Variants in KATNBL1 observed in about 807,000 individuals in gnomAD.
The protein encoded by KATNBL1 is katanin regulatory subunit B1 like 1, also known as KATNB1-like protein 1.
A neutral mutation model predicts 44.7 loss-of-function variants in KATNBL1; 28 were observed. The observed-to-expected ratio is 0.63, with a 90% CI of 0.46 to 0.86. The LOEUF (loss-of-function observed/expected upper bound fraction) is 0.86. Ranked by LOEUF, KATNBL1 falls within the 40% of genes least tolerant of loss-of-function variation. KATNBL1 has a pLI of 0.00. For synonymous variants in KATNBL1, 78 were observed against 114.9 expected, an observed-to-expected ratio of 0.68 and a Z score of 2.06; for missense variants, 272 against 350.7, an observed-to-expected ratio of 0.78 and a Z score of 1.79.
intron 1 of KATNBL1, among the ~76,000 whole-genome samples, chr15:34,200,339 G>A (rs905290880): frequency 3.3e-5 from 5 of 151,112 alleles, no homozygotes; most frequent in Non-Finnish European, 2.9e-5. Context: ...TGCAACCTTC[G>A]CCTCCCGCAT....
chr15:34,195,221 T>A (rs1345289363), intron 1 of KATNBL1, among the ~76,000 whole-genome samples: 2 of 152,134 alleles, frequency 1.3e-5, no homozygotes, highest in Admixed American at 6.5e-5. Flanking sequence ...GAGGACTGGA[T>A]AAAGAAAATG....
At chr15:34,161,129 G>A (rs897111511) in intron 2 of KATNBL1, among the ~76,000 whole-genome samples, 2 of 152,182 alleles carry the variant, frequency 1.3e-5, no homozygotes, top group African/African-American at 4.8e-5. Flanking sequence ...TTTGCACTCA[G>A]TTGTGCATCT....
At chr15:34,184,026 G>A (rs1486695621) in intron 1 of KATNBL1, among the ~76,000 whole-genome samples, 5 of 151,978 alleles carry the variant, frequency 3.3e-5, no homozygotes, top group South Asian at 2.1e-4. Context: ...AAAAACTGCC[G>A]GGCGCAGTGG....
intron 2 of KATNBL1, among the ~76,000 whole-genome samples, chr15:34,161,893 A>G (rs1174277685): frequency 6.6e-6 from 1 of 152,210 alleles, no homozygotes; most frequent in Non-Finnish European, 1.5e-5. Flanking sequence ...GTTAAACTTT[A>G]AAATGGAGAA....
intron 1 of KATNBL1, among the ~76,000 whole-genome samples, chr15:34,187,160 GA>G (rs1269190702): frequency 7.9e-5 from 12 of 152,202 alleles, no homozygotes; most frequent in African/African-American, 2.7e-4. Flanking sequence ...CCGCTCCGCT[GA>G]ATGCTGCAGA....
intron 1 of KATNBL1, among the ~76,000 whole-genome samples, chr15:34,201,474 T>C (rs1166935620): frequency 1.3e-5 from 2 of 152,188 alleles, no homozygotes; most frequent in Non-Finnish European, 2.9e-5. Context: ...TTTGGGCCTT[T>C]TGAATTTTGT....
Position 34,141,252 on chromosome 15 carries a change from G to C in KATNBL1, c.*1087C>G, listed in dbSNP as rs762267584. Reference sequence around the variant, plus strand: ...GCATATCATACTAACCATTAGAGGAGGTAGTGACACAAAGTGTTGGAATTT... The same window carrying C: ...GCATATCATACTAACCATTAGAGGACGTAGTGACACAAAGTGTTGGAATTT... On this transcript the variant is annotated 3_prime_UTR_variant, in exon 10 of 10. Coordinates refer to ENST00000256544, the MANE Select transcript of KATNBL1 (RefSeq NM_024713.3). The C allele has an allele frequency of 6.6e-6, 1 of 152,544 alleles. No homozygotes were observed. Among genetic ancestry groups the C allele is most frequent in the African/African-American group, 2.4e-5 (1 of 41,438 alleles). The allele number at this position is 152,544 out of a possible 1,614,324, so 9.4% of individuals were successfully genotyped here.
intron 1 of KATNBL1, among the ~76,000 whole-genome samples, chr15:34,195,545 T>C (rs2140993084): frequency 6.6e-6 from 1 of 152,166 alleles, no homozygotes; most frequent in East Asian, 1.9e-4. Context: ...TATATCAATG[T>C]AGCAAAATTG....
At chr15:34,176,636 G>A (rs953865983) in intron 1 of KATNBL1, among the ~76,000 whole-genome samples, 1 of 152,136 alleles carries the variant, frequency 6.6e-6, no homozygotes, top group African/African-American at 2.4e-5. Context: ...GTTGACAACT[G>A]CACAATTCTG....
At chr15:34,182,257 TTATTC>T (rs1177533149) in intron 1 of KATNBL1, among the ~76,000 whole-genome samples, 1 of 152,166 alleles carries the variant, frequency 6.6e-6, no homozygotes, top group Admixed American at 6.5e-5. Context: ...GGCAGATCAT[TTATTC>T]TATTCTAAAT....
At chr15:34,171,557 A>G (rs930802111) in intron 1 of KATNBL1, among the ~76,000 whole-genome samples, 9 of 152,186 alleles carry the variant, frequency 5.9e-5, no homozygotes, top group African/African-American at 1.9e-4. Context: ...AACTAGAAAT[A>G]CCATTTGGCC....
chr15:34,171,783 A>G lies in KATNBL1; in HGVS notation c.-14-8093T>C, dbSNP rs530319309. Among the ~76,000 whole-genome samples the G allele has an allele frequency of 2.0e-5, 3 of 152,282 alleles. No homozygotes were observed. In the South Asian group the frequency reaches 6.2e-4, roughly 32 times the overall value. ...AAAAAAGGATGAGTTCACGTCCTTA[A>G]CAGGGATATGAATGAAGCTGGAAAC... On this transcript the variant is annotated intron_variant, in intron 1 of 9. Coordinates refer to ENST00000256544, the MANE Select transcript of KATNBL1 (RefSeq NM_024713.3).
At chr15:34,145,646 G>A (rs1325215116) in intron 8 of KATNBL1, 155 bp from the exon 9 acceptor site, 4 of 665,112 alleles carry the variant, frequency 6.0e-6, no homozygotes, top group Non-Finnish European at 6.2e-6. Flanking sequence ...GGAACGTGGA[G>A]AGAAATTAAA....
At position 34,141,711 on chromosome 15, in the gene KATNBL1, T is replaced by A. The variant is rs1172927493; in HGVS notation, c.*628A>T. 2 of 152,630 alleles carry A rather than the reference T, an allele frequency of 1.3e-5. No individual in the cohort carries two copies. Among genetic ancestry groups the A allele is most frequent in the Non-Finnish European group, 2.9e-5 (2 of 68,016 alleles). The allele number at this position is 152,630 out of a possible 1,614,324, so 9.5% of individuals were successfully genotyped here. A position where few individuals can be genotyped will look rare whatever the true frequency, so the allele number is the denominator to read the frequency against. On this transcript the variant is annotated 3_prime_UTR_variant, in exon 10 of 10. Transcript: ENST00000256544. ...CCCCTGATTTAATTCCATGATTTTATCATGCCAGAAGCATGGTTGGTTTTA... is the reference window on the plus strand; with the variant it reads ...CCCCTGATTTAATTCCATGATTTTAACATGCCAGAAGCATGGTTGGTTTTA...
chr15:34,198,474 A>G (rs865858163), intron 1 of KATNBL1: 1 of 152,254 alleles, frequency 6.6e-6, no homozygotes, highest in Non-Finnish European at 1.5e-5. Context: ...ATAGTGGTTT[A>G]AAGCAAAGAT....
chr15:34,159,578 T>C (rs1008913932), intron 2 of KATNBL1, among the ~76,000 whole-genome samples: 2 of 152,202 alleles, frequency 1.3e-5, no homozygotes, highest in African/African-American at 4.8e-5. Flanking sequence ...TGTTGCTTTC[T>C]CTTTACATTT....
At chr15:34,152,539 A>G (rs1888513800) in intron 4 of KATNBL1, among the ~76,000 whole-genome samples, 1 of 152,164 alleles carries the variant, frequency 6.6e-6, no homozygotes, top group Non-Finnish European at 1.5e-5. Context: ...TTAAATCTCT[A>G]CTGGCTAACT....
rs1888518807 is a variant in KATNBL1 at position 34,152,732 on chromosome 15, A to C, written c.438+58T>G. ...GCTAGTGGAATATGGCAAAGAAAAA[A>C]ATCAAGATTATAACAGGAACAAAGT... On this transcript the variant is annotated intron_variant, in intron 4 of 9. Coordinates refer to ENST00000256544, the MANE Select transcript of KATNBL1 (RefSeq NM_024713.3). 4 of 1,410,630 alleles carry C rather than the reference A, an allele frequency of 2.8e-6. No individual in the cohort carries two copies. In the Admixed American group the frequency reaches 8.7e-5, roughly 31 times the overall value. 87.4% of individuals were successfully genotyped at this position (1,410,630 alleles called of 1,614,324 possible).
chr15:34,202,320 C>T (rs371170509), intron 1 of KATNBL1, among the ~76,000 whole-genome samples: 6 of 152,196 alleles, frequency 3.9e-5, no homozygotes, highest in African/African-American at 1.2e-4. Context: ...CCCTACGACA[C>T]TTGTGCCTAA....
Sources: allele counts gnomAD v4.1 joint callset (sites outside exome capture counted in the v4.1 genomes callset), GRCh38; gene constraint gnomAD v4.1.1; transcripts MANE v1.5; gene names NCBI Gene and HGNC (gene_info 2026-07-23, HGNC 2026-07-21).